Variants in COL28A1 observed in about 807,000 individuals in gnomAD.
COL28A1 encodes collagen type XXVIII alpha 1 chain, also known as collagen alpha-1(XXVIII) chain.
In COL28A1, 161 loss-of-function variants were observed where a neutral mutation model predicts 150.2. The ratio of observed to expected loss-of-function variants is 1.07; its 90% CI spans 0.94 to 1.22. The LOEUF is 1.22. Among genes scored for constraint, COL28A1 ranks in the 50% most tolerant of loss-of-function variants. COL28A1 has a pLI of 0.00. For missense variants in COL28A1, 1,617 were observed against 1,388.3 expected, an observed-to-expected ratio of 1.16 and a Z score of -2.62; for synonymous variants, 552 against 469.7, an observed-to-expected ratio of 1.18 and a Z score of -2.26.
At chr7:7,404,149 G>A (rs1387991782) in intron 27 of COL28A1, among the ~76,000 whole-genome samples, 1 of 152,038 alleles carries the variant, frequency 6.6e-6, no homozygotes, top group East Asian at 1.9e-4. Context: ...CCATGTGGCA[G>A]GGCCAAGCAA....
At chr7:7,349,613 T>A in the COL28A1 span, among the ~76,000 whole-genome samples, 1 of 152,260 alleles carries the variant, frequency 6.6e-6, no homozygotes, top group African/African-American at 2.4e-5. Flanking sequence ...TCTGACTTGG[T>A]GTCCCCTTTC....
At chr7:7,358,839 T>C (rs1780472889) in intron 34 of COL28A1, 34 bp from the exon 35 acceptor site, 1 of 1,548,632 alleles carries the variant, frequency 6.5e-7, no homozygotes, top group Admixed American at 1.9e-5. Context: ...GTCACGGATT[T>C]TTCTTATACT....
intron 15 of COL28A1, among the ~76,000 whole-genome samples, chr7:7,461,603 G>A (rs1281697101): frequency 6.6e-6 from 1 of 152,126 alleles, no homozygotes; most frequent in East Asian, 1.9e-4. Flanking sequence ...TTAGGACTAT[G>A]ACTGCTGGCT....
intron 8 of COL28A1, chr7:7,511,697 T>C (rs567547289): frequency 1.1e-5 from 5 of 469,800 alleles, no homozygotes; most frequent in South Asian, 7.8e-5. Context: ...GAGAGAAAGG[T>C]TCTGAAGTGA....
In COL28A1 at chr7:7,381,535, G is replaced by A. The variant is rs774956623; in HGVS notation, c.2205+9C>T. The stretch of plus-strand genomic sequence containing the variant: ...CCTAAGCATTTCTCTAAGATCCTGA[G>A]ACACTTACCTTCTGGCCTGGGAGGC... On this transcript the variant is annotated intron_variant, in intron 28 of 34. Transcript: ENST00000399429. 1 of 1,609,574 alleles carries A rather than the reference G, an allele frequency of 6.2e-7. No individual in the cohort carries two copies. The highest frequency in any genetic ancestry group is 1.7e-4 in the Middle Eastern group (1 of 6,054).
At chr7:7,433,452 G>T (rs188704064) in intron 23 of COL28A1, among the ~76,000 whole-genome samples, 1 of 151,966 alleles carries the variant, frequency 6.6e-6, no homozygotes, top group African/African-American at 2.4e-5. Flanking sequence ...TGGCCAACAC[G>T]GTGAAACCCC....
intron 15 of COL28A1, among the ~76,000 whole-genome samples, chr7:7,473,399 C>A (rs988767596): frequency 6.6e-6 from 1 of 151,950 alleles, no homozygotes; most frequent in Non-Finnish European, 1.5e-5. Flanking sequence ...ACACAATTCT[C>A]GAGAAGATAT....
chr7:7,370,549 C>T (rs550245205), intron 33 of COL28A1, among the ~76,000 whole-genome samples, 176 bp downstream of exon 33: 1 of 152,056 alleles, frequency 6.6e-6, no homozygotes, highest in East Asian at 1.9e-4. Context: ...CCTACAAAAC[C>T]TAATGCTATT....
At chr7:7,411,287 T>C (rs1480752883) in intron 27 of COL28A1, among the ~76,000 whole-genome samples, 1 of 152,182 alleles carries the variant, frequency 6.6e-6, no homozygotes, top group Non-Finnish European at 1.5e-5. Context: ...TCAAGAATCT[T>C]ATAACGTTCC....
chr7:7,442,996 C>G (rs1263924269), intron 20 of COL28A1, among the ~76,000 whole-genome samples: 1 of 150,078 alleles, frequency 6.7e-6, no homozygotes, highest in African/African-American at 2.5e-5. Context: ...GATCGTGCCA[C>G]TGCACTCCAG....
At chr7:7,463,632 G>A (rs1787818104) in intron 15 of COL28A1, among the ~76,000 whole-genome samples, 1 of 152,160 alleles carries the variant, frequency 6.6e-6, no homozygotes, top group Admixed American at 6.5e-5. Context: ...GAGAGAATTT[G>A]CCACTACCAA....
At chr7:7,527,313 G>A (rs28442228) in intron 3 of COL28A1, among the ~76,000 whole-genome samples, 3,105 of 152,300 alleles carry the variant, frequency 0.02, 105 homozygotes, top group African/African-American at 0.07. Flanking sequence ...GGCCAGGGGC[G>A]GGGGAGCCGC....
chr7:7,412,767 A>G (rs1273149743), intron 27 of COL28A1, among the ~76,000 whole-genome samples: 4 of 152,118 alleles, frequency 2.6e-5, no homozygotes, highest in African/African-American at 9.7e-5. Context: ...CTCTGGTGGA[A>G]TATCAACTCT....
chr7:7,457,179 G>A (rs982902976), intron 15 of COL28A1, among the ~76,000 whole-genome samples: 21 of 152,292 alleles, frequency 1.4e-4, no homozygotes, highest in African/African-American at 5.1e-4. Context: ...AGTAAGTTAG[G>A]AAGCCACTGG....
Position 7,373,051 on chromosome 7 carries a change from A to G in COL28A1, c.2855T>C (p.Ile952Thr), listed in dbSNP as rs748129753. The G allele has an allele frequency of 1.9e-6, 3 of 1,614,150 alleles. No individual in the cohort carries two copies. Among genetic ancestry groups the G allele is most frequent in the Non-Finnish European group, 1.7e-6 (2 of 1,180,022 alleles). Residue 952 changes from isoleucine (I) to threonine (T), a missense_variant, in exon 32 of 35, where the codon ATT becomes ACT. By Grantham distance (89) the Ile-to-Thr change is moderately conservative. Coordinates refer to ENST00000399429, the MANE Select transcript of COL28A1 (RefSeq NM_001037763.3). This position sits in a 1 kb window ranked among gnomAD's most constrained non-coding sequence, Gnocchi z 4.1. ...GTAAACATGCTCTGGGTCAGTAGCA[A>G]TTAGATTCATTTCTTTGTGGAATAT... ...FEIFHKEMNL[I>T]ATDPEHVYQF...
intron 33 of COL28A1, among the ~76,000 whole-genome samples, chr7:7,366,339 C>T (rs182926930): frequency 1.3e-5 from 2 of 151,992 alleles, no homozygotes; most frequent in African/African-American, 4.8e-5. Flanking sequence ...ATAATAAAAT[C>T]GAAAAACTAC....
chr7:7,386,725 G>C (rs1438416028), intron 27 of COL28A1, among the ~76,000 whole-genome samples: 3 of 152,180 alleles, frequency 2.0e-5, no homozygotes, highest in Non-Finnish European at 4.4e-5. Context: ...GAGAAAGACT[G>C]GGGCCAGGAC....
chr7:7,471,732 T>C (rs56103225), intron 15 of COL28A1, among the ~76,000 whole-genome samples: 17,622 of 151,936 alleles, frequency 0.12, 1,105 homozygotes, highest in Middle Eastern at 0.21. Flanking sequence ...CCATCTCTAC[T>C]AAAAACATAA....
intron 26 of COL28A1, among the ~76,000 whole-genome samples, chr7:7,419,246 G>T (rs75947296): frequency 0.024 from 3,630 of 152,166 alleles, 131 homozygotes; most frequent in African/African-American, 0.076. Flanking sequence ...GGCTGTCCTG[G>T]GCATTGTAGA....
Sources: gnomAD v4.1 joint callset for allele counts (sites outside exome capture counted in the v4.1 genomes callset) on GRCh38, gnomAD v4.1.1 for gene constraint, Gnocchi (gnomAD v3.1) non-coding constraint, MANE v1.5 for transcripts, NCBI Gene and HGNC (gene_info 2026-07-23, HGNC 2026-07-21) for gene names.